The following TENT2 variants were observed in gnomAD, a reference collection of about 807,000 sequenced individuals.
TENT2 encodes the protein poly(A) RNA polymerase GLD2.
A neutral mutation model predicts 72.2 loss-of-function variants in TENT2; 44 were observed. The observed-to-expected ratio is 0.61, with a 90% CI of 0.48 to 0.78. TENT2 has a LOEUF of 0.78. Ranked by LOEUF, TENT2 falls within the 30% of genes least tolerant of loss-of-function variation. TENT2 has a pLI of 0.00. For synonymous variants in TENT2, 212 were observed against 192.5 expected (o/e 1.10, Z -0.84); for missense variants, 541 against 569.6 (o/e 0.95, Z 0.51).
At chr5:79,631,080 C>T (rs1018575552) in intron 4 of TENT2, among the ~76,000 whole-genome samples, 5 of 152,066 alleles carry the variant, frequency 3.3e-5, no homozygotes, top group African/African-American at 7.2e-5. Flanking sequence ...TCTACAATAT[C>T]GACATTTTAG....
Position 79,623,297 on chromosome 5 carries a change from A to T in TENT2, c.273A>T (p.Gln91His), listed in dbSNP as rs779381405. ...EKNLPLDGKR[Q>H]RFHSPHQEPT... Reference sequence around the variant, plus strand: ...ACCTTCCTCTTGACGGTAAACGGCAACGTTTCCATTCACCCCACCAAGAGC... The same window carrying T: ...ACCTTCCTCTTGACGGTAAACGGCATCGTTTCCATTCACCCCACCAAGAGC... The change falls in exon 4 of 15, where the codon CAA (glutamine) becomes CAT (histidine). Residue 91 changes from glutamine (Q) to histidine (H), a missense_variant. Transcript: ENST00000453514. The T allele has an allele frequency of 6.2e-7, 1 of 1,613,368 alleles. No individual in the cohort carries two copies. The highest frequency in any genetic ancestry group is 1.7e-5 in the Admixed American group (1 of 59,926).
chr5:79,646,768 GCTTTT>G (rs1431916854), intron 8 of TENT2, among the ~76,000 whole-genome samples: 2 of 138,294 alleles, frequency 1.4e-5, no homozygotes, highest in African/African-American at 6.0e-5. Context: ...TTGTTCCTAA[GCTTTT>G]TTTTTTTTTT....
At chr5:79,640,589 A>G (rs370871196) in intron 4 of TENT2, among the ~76,000 whole-genome samples, 1 of 152,294 alleles carries the variant, frequency 6.6e-6, no homozygotes, top group East Asian at 1.9e-4. Flanking sequence ...TTGCTGACCC[A>G]TGGATTATTT....
intron 4 of TENT2, among the ~76,000 whole-genome samples, chr5:79,635,128 A>G: frequency 6.6e-6 from 1 of 152,224 alleles, no homozygotes; most frequent in East Asian, 1.9e-4. Context: ...ATTTCATATT[A>G]TACATTCCTC....
In TENT2 at chr5:79,687,078, G is replaced by A. The variant is rs1826271803; in HGVS notation, c.*1805G>A. On this transcript the variant is annotated 3_prime_UTR_variant, in exon 15 of 15. Coordinates refer to ENST00000453514, the MANE Select transcript of TENT2 (RefSeq NM_001114394.3). Reference sequence around the variant, plus strand: ...AAAACCCCAGAATTTACCATGGTGTGGGTTCCTTCACTGTCACTGTTTTCT... The same window carrying A: ...AAAACCCCAGAATTTACCATGGTGTAGGTTCCTTCACTGTCACTGTTTTCT... Among the ~76,000 whole-genome samples, 1 of 152,064 alleles carries A rather than the reference G, an allele frequency of 6.6e-6. No individual in the cohort carries two copies. Among genetic ancestry groups the A allele is most frequent in the Admixed American group, 6.5e-5 (1 of 15,268 alleles).
At chr5:79,659,659 A>T (rs1224707382) in intron 11 of TENT2, among the ~76,000 whole-genome samples, 3 of 145,372 alleles carry the variant, frequency 2.1e-5, no homozygotes, top group African/African-American at 5.0e-5. Flanking sequence ...TACACAATTT[A>T]AAAAATCCTG....
At chr5:79,645,826 A>C (rs1294544191) in intron 8 of TENT2, among the ~76,000 whole-genome samples, 1 of 145,054 alleles carries the variant, frequency 6.9e-6, no homozygotes, top group East Asian at 2.0e-4. Context: ...CAAAATTAAT[A>C]CTGAAATTGT....
intron 4 of TENT2, among the ~76,000 whole-genome samples, chr5:79,627,312 C>T (rs766698246): frequency 2.0e-5 from 3 of 152,036 alleles, no homozygotes; most frequent in Non-Finnish European, 2.9e-5. Context: ...GGCAAATTTT[C>T]AATTTCAGTA....
At chr5:79,616,883 T>C (rs1334005731) in intron 1 of TENT2, among the ~76,000 whole-genome samples, 6 of 152,186 alleles carry the variant, frequency 3.9e-5, no homozygotes, top group Non-Finnish European at 8.8e-5. Context: ...TTGTCCACAA[T>C]CTGTTATGAA....
At chr5:79,649,018 AC>A (rs1561524027) in intron 9 of TENT2, 43 bp from the exon 10 acceptor site, 1 of 1,593,006 alleles carries the variant, frequency 6.3e-7, no homozygotes, top group East Asian at 2.3e-5. Context: ...TTTCAAAGAA[AC>A]TATAACGTCT....
At chr5:79,651,155 A>G (rs576220097) in intron 10 of TENT2, among the ~76,000 whole-genome samples, 1 of 151,912 alleles carries the variant, frequency 6.6e-6, no homozygotes, top group South Asian at 2.1e-4. Context: ...TATTTGTTTT[A>G]TTTTTTCTGG....
At chr5:79,618,735 G>A (rs1342323262) in intron 1 of TENT2, among the ~76,000 whole-genome samples, 1 of 152,088 alleles carries the variant, frequency 6.6e-6, no homozygotes, top group Non-Finnish European at 1.5e-5. Flanking sequence ...TATGTGGGTA[G>A]GGCCTGTCAA....
chr5:79,621,335 A>G (rs1442542240), intron 3 of TENT2, among the ~76,000 whole-genome samples: 1 of 152,258 alleles, frequency 6.6e-6, no homozygotes, highest in Non-Finnish European at 1.5e-5. Flanking sequence ...TATGCTTAAA[A>G]GCACTACAGG....
chr5:79,659,915 C>T (rs1000535216), intron 11 of TENT2, among the ~76,000 whole-genome samples: 1 of 151,742 alleles, frequency 6.6e-6, no homozygotes, highest in Admixed American at 6.6e-5. Flanking sequence ...GGCAGAATTT[C>T]AGCTTGTATA....
At chr5:79,614,158 CAATGG>C (rs1261607542) in intron 1 of TENT2, 4 of 127,720 alleles carry the variant, frequency 3.1e-5, no homozygotes, top group Non-Finnish European at 6.1e-5. Flanking sequence ...GGCTACAGTG[CAATGG>C]CACTATCTTG....
intron 1 of TENT2, among the ~76,000 whole-genome samples, chr5:79,614,354 C>T (rs1404583129): frequency 2.0e-5 from 3 of 152,092 alleles, no homozygotes; most frequent in Non-Finnish European, 2.9e-5. Flanking sequence ...CCATCCGCCT[C>T]GGCCTCCCAA....
At position 79,684,420 on chromosome 5, in the gene TENT2, C is replaced by G. The variant is rs140163132; in HGVS notation, c.1381-779C>G. The stretch of plus-strand genomic sequence containing the variant: ...ATAGGCGTGTGCCACCATACCCAGC[C>G]AATTTTTGTATTTTTTGTACAGACA... On this transcript the variant is annotated intron_variant, in intron 14 of 14. Coordinates refer to ENST00000453514, the MANE Select transcript of TENT2 (RefSeq NM_001114394.3). Among the ~76,000 whole-genome samples the G allele has an allele frequency of 5.6e-3, 858 of 152,058 alleles. 10 individuals are homozygous for G. Among genetic ancestry groups the G allele is most frequent in the African/African-American group, 0.02 (825 of 41,438 alleles).
chr5:79,681,240 A>C (rs1561599813), intron 13 of TENT2, among the ~76,000 whole-genome samples: 1 of 135,894 alleles, frequency 7.4e-6, no homozygotes, highest in Non-Finnish European at 1.5e-5. Context: ...GCTCACTGCA[A>C]CCTCTACCTC....
intron 10 of TENT2, among the ~76,000 whole-genome samples, chr5:79,653,532 A>G (rs1470863263): frequency 6.6e-6 from 1 of 152,144 alleles, no homozygotes; most frequent in Non-Finnish European, 1.5e-5. Flanking sequence ...TGCCAGTCTG[A>G]TCAAATCATA....
Sources: allele counts gnomAD v4.1 joint callset (sites outside exome capture counted in the v4.1 genomes callset), GRCh38; gene constraint gnomAD v4.1.1; transcripts MANE v1.5; gene names NCBI Gene and HGNC (gene_info 2026-07-23, HGNC 2026-07-21).